The following HHAT variants were observed in gnomAD, a reference collection of about 807,000 sequenced individuals.
HHAT encodes hedgehog acyltransferase, also known as protein-cysteine N-palmitoyltransferase HHAT.
In HHAT, 47 loss-of-function variants were observed where a neutral mutation model predicts 70.8. The observed-to-expected ratio is 0.66, with a 90% CI of 0.53 to 0.85. The LOEUF (loss-of-function observed/expected upper bound fraction) is 0.85. HHAT is among the 40% of genes least tolerant of loss of function. HHAT has a pLI of 0.00. For missense variants in HHAT, 609 were observed against 604.8 expected (o/e 1.01, Z -0.07); for synonymous variants, 228 against 247.6 (o/e 0.92, Z 0.74).
At chr1:210,351,865 C>T (rs969763739) in intron 2 of HHAT, among the ~76,000 whole-genome samples, 4 of 152,158 alleles carry the variant, frequency 2.6e-5, no homozygotes, top group Non-Finnish European at 5.9e-5. Context: ...TTGGTCAAAG[C>T]AAATCACAGG....
chr1:210,469,130 G>A (rs988972321), intron 8 of HHAT, among the ~76,000 whole-genome samples: 1 of 152,098 alleles, frequency 6.6e-6, no homozygotes, highest in Non-Finnish European at 1.5e-5. Context: ...GGCCGGGTAG[G>A]GAGGAAGTGA....
Position 210,561,533 on chromosome 1 carries a change from T to G in HHAT, c.1044-26365T>G, listed in dbSNP as rs188694485. On this transcript the variant is annotated intron_variant, in intron 9 of 11. Transcript: ENST00000261458. ...TGTGGCAAGTGCCCAGCCATCTGCC[T>G]GGTGCCTAGAAGGTGCTCAGTAAGT... Among the ~76,000 whole-genome samples, 12 of 152,308 alleles carry G rather than the reference T, an allele frequency of 7.9e-5. No individual in the cohort carries two copies. The East Asian group carries it at 2.3e-3, about 29-fold the overall frequency.
chr1:210,639,503 G>A (rs1290627827), intron 11 of HHAT, among the ~76,000 whole-genome samples: 1 of 152,214 alleles, frequency 6.6e-6, no homozygotes, highest in African/African-American at 2.4e-5. Flanking sequence ...TTGATACATA[G>A]CCAGCGTCTT....
rs139673866 is a variant in HHAT, at chr1:210,645,182, C to G, written c.1390+21512C>G. The stretch of plus-strand genomic sequence containing the variant: ...CAGCCTAGCGGACGGGACAGGCTTG[C>G]CGTCACACCTAGCTGCCTCCCTACC... On this transcript the variant is annotated intron_variant, in intron 11 of 11. Coordinates refer to ENST00000261458, the MANE Select transcript of HHAT (RefSeq NM_018194.6). Among the ~76,000 whole-genome samples the G allele has an allele frequency of 6.0e-4, 92 of 152,260 alleles. No individual in the cohort carries two copies. The Middle Eastern group carries it at 0.01, about 17-fold the overall frequency.
At chr1:210,429,412 A>G (rs2093175370) in intron 7 of HHAT, among the ~76,000 whole-genome samples, 1 of 151,810 alleles carries the variant, frequency 6.6e-6, no homozygotes, top group African/African-American at 2.4e-5. Flanking sequence ...GAATAGTTCA[A>G]CCATGTTTTA....
chr1:210,533,913 G>C (rs2095342132), intron 9 of HHAT, among the ~76,000 whole-genome samples: 1 of 152,172 alleles, frequency 6.6e-6, no homozygotes, highest in Non-Finnish European at 1.5e-5. Context: ...GAATGAGTTT[G>C]TGCTGGCACC....
chr1:210,583,509 T>C (rs1353105224), intron 9 of HHAT, among the ~76,000 whole-genome samples: 1 of 152,238 alleles, frequency 6.6e-6, no homozygotes, highest in Non-Finnish European at 1.5e-5. Context: ...CATGTTTCTG[T>C]TTTTATTAAT....
intron 7 of HHAT, among the ~76,000 whole-genome samples, chr1:210,457,079 C>A (rs1005861337): frequency 1.1e-4 from 16 of 152,232 alleles, no homozygotes; most frequent in Middle Eastern, 3.4e-3. Flanking sequence ...CAATAGCTAC[C>A]TTTTGTTCAG....
chr1:210,451,311 A>C (rs1296019759), intron 7 of HHAT, among the ~76,000 whole-genome samples: 1 of 152,050 alleles, frequency 6.6e-6, no homozygotes, highest in Non-Finnish European at 1.5e-5. Context: ...ATGAAAGGTC[A>C]CTTCTGTGGC....
intron 8 of HHAT, among the ~76,000 whole-genome samples, chr1:210,473,607 C>A (rs1372487615): frequency 6.6e-6 from 1 of 152,124 alleles, no homozygotes; most frequent in African/African-American, 2.4e-5. Context: ...AAAGAGCAAT[C>A]CAGAAACAGC....
In HHAT at chr1:210,510,463, G is replaced by A. The variant is rs372699684; in HGVS notation, c.1008-2690G>A. Among the ~76,000 whole-genome samples the A allele has an allele frequency of 1.9e-4, 29 of 152,322 alleles. No homozygotes were observed. In the East Asian group the frequency reaches 5.2e-3, roughly 27 times the overall value. Reference sequence around the variant, plus strand: ...TTTCCAGAGCCTGGCTAGCTGAGACGGAGGAGGTGGGCGGCACCTGGGGAG... The same window carrying A: ...TTTCCAGAGCCTGGCTAGCTGAGACAGAGGAGGTGGGCGGCACCTGGGGAG... On this transcript the variant is annotated intron_variant, in intron 8 of 11. Coordinates refer to ENST00000261458, the MANE Select transcript of HHAT (RefSeq NM_018194.6).
At chr1:210,656,120 C>T (rs761062673) in intron 11 of HHAT, among the ~76,000 whole-genome samples, 1 of 152,192 alleles carries the variant, frequency 6.6e-6, no homozygotes, top group Non-Finnish European at 1.5e-5. Flanking sequence ...CCTGTCACTT[C>T]CATCCATTGG....
chr1:210,603,536 A>C (rs1324164715), intron 10 of HHAT, among the ~76,000 whole-genome samples: 1 of 152,216 alleles, frequency 6.6e-6, no homozygotes, highest in Non-Finnish European at 1.5e-5. Context: ...TGGAGGTGAC[A>C]AAGCTTGAAT....
chr1:210,589,920 A>G (rs1436269270), intron 10 of HHAT: 1 of 152,154 alleles, frequency 6.6e-6, no homozygotes, highest in Non-Finnish European at 1.5e-5. Flanking sequence ...TTGGCAAAAT[A>G]TTTGTCTTAT....
At position 210,674,336 on chromosome 1, in the gene HHAT, C is replaced by A; in HGVS notation, c.1439C>A (p.Ser480Tyr). 6.2e-7 allele frequency: 1 copy of A among 1,614,182 alleles called. No individual in the cohort carries two copies. The change falls in exon 12 of 12, where the codon TCC becomes TAC. Residue 480 changes from serine (S) to tyrosine (Y), a missense_variant. Physicochemically the swap from Ser to Tyr is moderately radical, Grantham distance 144. Transcript: ENST00000261458. Reference protein sequence around the residue: ...LSVLGFLYCYSHVGIAWAQTY... With the variant: ...LSVLGFLYCYYHVGIAWAQTY... ...GTCCTGGGATTCCTGTACTGCTACT[C>A]CCACGTGGGCATTGCCTGGGCCCAG... is the stretch of plus-strand genomic sequence containing the variant.
Position 210,549,714 on chromosome 1 carries a change from G to C in HHAT, c.1043+36526G>C, listed in dbSNP as rs1245013702. On this transcript the variant is annotated intron_variant, in intron 9 of 11. Transcript: ENST00000261458. ...ATTATGATAGGATAAAAATAAAGAA[G>C]CTGGGTACAGTGGTGTACGCCTGTA... Among the ~76,000 whole-genome samples the C allele has an allele frequency of 2.0e-5, 3 of 148,964 alleles. No homozygotes were observed. In the East Asian group the frequency reaches 6.7e-4, roughly 33 times the overall value.
intron 10 of HHAT, among the ~76,000 whole-genome samples, chr1:210,596,582 T>C (rs1663060668): frequency 6.6e-6 from 1 of 152,040 alleles, no homozygotes; most frequent in Non-Finnish European, 1.5e-5. Flanking sequence ...TTTCTTCTGC[T>C]TGATCAGTTC....
At chr1:210,392,455 CTG>C (rs1459182439) in intron 4 of HHAT, among the ~76,000 whole-genome samples, 1 of 152,242 alleles carries the variant, frequency 6.6e-6, no homozygotes, top group African/African-American at 2.4e-5. Flanking sequence ...CATCTCTCCT[CTG>C]TGAAATTTTA....
At chr1:210,388,824 A>G (rs12046133) in intron 4 of HHAT, among the ~76,000 whole-genome samples, 17,765 of 152,080 alleles carry the variant, frequency 0.12, 1,348 homozygotes, top group East Asian at 0.29. Flanking sequence ...TTTCCCATCC[A>G]TGTGTAAATG....
Sources: allele counts gnomAD v4.1 joint callset (sites outside exome capture counted in the v4.1 genomes callset), GRCh38; gene constraint gnomAD v4.1.1; transcripts MANE v1.5; gene names NCBI Gene and HGNC (gene_info 2026-07-23, HGNC 2026-07-21).